Variants in FHIT observed in about 807,000 individuals in gnomAD.
FHIT encodes the protein fragile histidine triad diadenosine triphosphatase.
In FHIT, 19 loss-of-function variants were observed where a neutral mutation model predicts 17.9. The ratio of observed to expected loss-of-function variants is 1.06; its 90% CI spans 0.74 to 1.56. FHIT has a LOEUF of 1.56. Ranked by LOEUF, FHIT falls within the 40% of genes most tolerant of loss-of-function variation. FHIT has a pLI of 0.00. For synonymous variants in FHIT, 81 were observed against 69.7 expected, an observed-to-expected ratio of 1.16 and a Z score of -0.81; for missense variants, 248 against 189.2, an observed-to-expected ratio of 1.31 and a Z score of -1.82.
At chr3:61,124,319 G>C (rs996596977) in intron 2 of FHIT, among the ~76,000 whole-genome samples, 1 of 152,150 alleles carries the variant, frequency 6.6e-6, no homozygotes, top group African/African-American at 2.4e-5. Context: ...ACCAGGCAGA[G>C]AGGCTTTCTT....
At chr3:60,117,675 A>T (rs568471162) in intron 5 of FHIT, among the ~76,000 whole-genome samples, 1 of 152,300 alleles carries the variant, frequency 6.6e-6, no homozygotes, top group East Asian at 1.9e-4. Flanking sequence ...ACAACTTGCC[A>T]ATGCTGAGGG....
chr3:60,087,188 G>A (rs1440955692), intron 5 of FHIT, among the ~76,000 whole-genome samples: 4 of 152,222 alleles, frequency 2.6e-5, no homozygotes, highest in African/African-American at 7.2e-5. Flanking sequence ...GATGCAGGGA[G>A]CAACATCCAG....
At chr3:60,211,299 T>A (rs1271645744) in intron 5 of FHIT, among the ~76,000 whole-genome samples, 1 of 151,992 alleles carries the variant, frequency 6.6e-6, no homozygotes, top group Admixed American at 6.6e-5. Context: ...TATGCAACCT[T>A]ATGTATATAT....
At chr3:60,555,079 C>A (rs1052621744) in intron 4 of FHIT, among the ~76,000 whole-genome samples, 2 of 152,160 alleles carry the variant, frequency 1.3e-5, no homozygotes, top group African/African-American at 4.8e-5. Context: ...TGTAAGAGAA[C>A]AAGTTTAGAA....
chr3:60,831,287 T>C (rs1266099747), intron 3 of FHIT, among the ~76,000 whole-genome samples: 2 of 152,154 alleles, frequency 1.3e-5, no homozygotes, highest in African/African-American at 4.8e-5. Flanking sequence ...AAGCAATTAC[T>C]AAAATGTGAG....
intron 5 of FHIT, among the ~76,000 whole-genome samples, chr3:60,478,468 T>A (rs1203312850): frequency 6.6e-6 from 1 of 152,186 alleles, no homozygotes; most frequent in Non-Finnish European, 1.5e-5. Context: ...TAACTATGAT[T>A]ATGTCATTTC....
At chr3:60,944,708 T>C (rs1553775340) in intron 3 of FHIT, among the ~76,000 whole-genome samples, 1 of 152,092 alleles carries the variant, frequency 6.6e-6, no homozygotes, top group Non-Finnish European at 1.5e-5. Context: ...GAAAGCCAAA[T>C]GATATTATGG....
chr3:60,906,206 G>A (rs1174416255), intron 3 of FHIT, among the ~76,000 whole-genome samples: 3 of 152,178 alleles, frequency 2.0e-5, no homozygotes, highest in Non-Finnish European at 4.4e-5. Flanking sequence ...TAGATTGATT[G>A]TCAGGAGGGG....
At chr3:60,871,224 C>T (rs1438753657) in intron 3 of FHIT, among the ~76,000 whole-genome samples, 5 of 152,008 alleles carry the variant, frequency 3.3e-5, no homozygotes, top group African/African-American at 1.2e-4. Flanking sequence ...ACATTAGAAC[C>T]CGTTTTGCAT....
At chr3:60,428,827 G>C (rs1559905411) in intron 5 of FHIT, among the ~76,000 whole-genome samples, 1 of 152,078 alleles carries the variant, frequency 6.6e-6, no homozygotes, top group African/African-American at 2.4e-5. Flanking sequence ...TTACGGGAGA[G>C]AGGCAGATAC....
intron 3 of FHIT, among the ~76,000 whole-genome samples, chr3:61,032,519 C>G (rs2033056953): frequency 6.6e-6 from 1 of 152,174 alleles, no homozygotes; most frequent in Admixed American, 6.5e-5. Flanking sequence ...CTGAAGCATT[C>G]TTCATCCCAC....
intron 5 of FHIT, among the ~76,000 whole-genome samples, chr3:60,261,829 C>A (rs1047033225): frequency 1.3e-5 from 2 of 151,962 alleles, no homozygotes. Flanking sequence ...ATCATTAAGA[C>A]TCCCATTTCA....
chr3:60,957,233 C>CTTTTTTTTTTTTTTT (rs35221092), intron 3 of FHIT, among the ~76,000 whole-genome samples: 4 of 97,126 alleles, frequency 4.1e-5, no homozygotes, highest in Non-Finnish European at 6.0e-5. Flanking sequence ...TTCTTTCTTT[C>CTTTTTTTTTTTTTTT]TTTTTTTTTT....
intron 2 of FHIT, among the ~76,000 whole-genome samples, chr3:61,069,121 C>T (rs887211240): frequency 1.3e-5 from 2 of 152,006 alleles, no homozygotes; most frequent in Non-Finnish European, 2.9e-5. Context: ...TCCCTGAAGG[C>T]CTTTAAAATA....
intron 5 of FHIT, among the ~76,000 whole-genome samples, chr3:60,488,205 T>G (rs112354859): frequency 3.3e-5 from 5 of 152,316 alleles, no homozygotes; most frequent in African/African-American, 1.2e-4. Context: ...ACTCGACTCC[T>G]GTGATTGAGC....
intron 4 of FHIT, among the ~76,000 whole-genome samples, chr3:60,548,655 T>C (rs9860669): frequency 9.9e-5 from 15 of 152,020 alleles, no homozygotes; most frequent in African/African-American, 3.6e-4. Flanking sequence ...AACAACAGCA[T>C]CACTTGAGAG....
At chr3:60,190,660 T>G (rs532237063) in intron 5 of FHIT, among the ~76,000 whole-genome samples, 1 of 152,168 alleles carries the variant, frequency 6.6e-6, no homozygotes, top group Admixed American at 6.5e-5. Flanking sequence ...ATATACCTAA[T>G]GCTAAATGAC....
intron 5 of FHIT, among the ~76,000 whole-genome samples, chr3:60,300,965 ACTCAT>A (rs1218575853): frequency 6.6e-6 from 1 of 151,550 alleles, no homozygotes; most frequent in Non-Finnish European, 1.5e-5. Context: ...CTGCTTCCAA[ACTCAT>A]CTCTAAAAAG....
At chr3:60,647,496 C>T (rs1020330198) in intron 4 of FHIT, among the ~76,000 whole-genome samples, 2 of 152,164 alleles carry the variant, frequency 1.3e-5, no homozygotes, top group Non-Finnish European at 2.9e-5. Context: ...ACTCGAGGCC[C>T]TCAAGTCCAG....
Sources: gnomAD v4.1 joint callset for allele counts (sites outside exome capture counted in the v4.1 genomes callset) on GRCh38, gnomAD v4.1.1 for gene constraint, MANE v1.5 for transcripts, NCBI Gene and HGNC (gene_info 2026-07-23, HGNC 2026-07-21) for gene names.